The following SDCBP variants were observed in gnomAD, a reference collection of about 807,000 sequenced individuals.
The protein encoded by SDCBP is syntenin-1.
SDCBP carries 22 observed loss-of-function variants against 30.5 expected under a neutral mutation model. The ratio of observed to expected loss-of-function variants is 0.72; its 90% CI spans 0.52 to 1.03. The LOEUF (loss-of-function observed/expected upper bound fraction) is 1.03, where lower values mean the gene tolerates loss of function less well. Among genes scored for constraint, SDCBP ranks in the 50% least tolerant of loss-of-function variants. The pLI, the probability that SDCBP is intolerant of heterozygous loss-of-function variation, is 0.00. For synonymous variants in SDCBP, 103 were observed against 118.7 expected (o/e 0.87, Z 0.86); for missense variants, 304 against 369.9 (o/e 0.82, Z 1.46).
intron 5 of SDCBP, 103 bp downstream of exon 5, chr8:58,576,164 C>A: frequency 2.4e-6 from 2 of 834,376 alleles, no homozygotes; most frequent in Non-Finnish European, 3.7e-6. Context: ...TATAATAGTG[C>A]ATCTGTAGTT....
chr8:58,560,348 CAG>C (rs1804368960), intron 1 of SDCBP: 1 of 152,300 alleles, frequency 6.6e-6, no homozygotes, highest in Non-Finnish European at 1.5e-5. Flanking sequence ...GTAGGGCAGA[CAG>C]AGGATGATAC....
intron 1 of SDCBP, among the ~76,000 whole-genome samples, chr8:58,556,977 CATA>C (rs1366381343): frequency 1.7e-3 from 235 of 135,544 alleles, no homozygotes; most frequent in African/African-American, 6.1e-3. Flanking sequence ...TTATATATAA[CATA>C]ATATATATTG....
At chr8:58,580,049 G>A (rs145221037) in intron 7 of SDCBP, 309 of 349,234 alleles carry the variant, frequency 8.8e-4, no homozygotes, top group African/African-American at 6.0e-3. Context: ...GGGCAACAAA[G>A]ATTTAGAATA....
chr8:58,557,739 C>A (rs1326174828), intron 1 of SDCBP, among the ~76,000 whole-genome samples: 2 of 151,866 alleles, frequency 1.3e-5, no homozygotes, highest in Non-Finnish European at 2.9e-5. Flanking sequence ...AGGAATTAGG[C>A]CAGTGGAAAA....
At chr8:58,567,123 C>T (rs1298669527) in intron 2 of SDCBP, among the ~76,000 whole-genome samples, 1 of 123,282 alleles carries the variant, frequency 8.1e-6, no homozygotes, top group East Asian at 2.9e-4. Context: ...CTTGGGGCAC[C>T]CCAACCCCTT....
intron 4 of SDCBP, among the ~76,000 whole-genome samples, chr8:58,574,995 C>T (rs2129608171): frequency 6.6e-6 from 1 of 152,258 alleles, no homozygotes; most frequent in Admixed American, 6.5e-5. Flanking sequence ...AAAGTTTGTA[C>T]ACTTTGACCA....
chr8:58,558,688 A>AGAGTTGAGAG, intron 1 of SDCBP, among the ~76,000 whole-genome samples: 1 of 152,234 alleles, frequency 6.6e-6, no homozygotes, highest in South Asian at 2.1e-4. Context: ...AATCTGAGGC[A>AGAGTTGAGAG]GAGTTGAGAG....
At chr8:58,554,058 A>G (rs998361955) in intron 1 of SDCBP, among the ~76,000 whole-genome samples, 2 of 152,160 alleles carry the variant, frequency 1.3e-5, no homozygotes, top group African/African-American at 2.4e-5. Context: ...TTTCACTTTT[A>G]CCAAAGTGGT....
In SDCBP at chr8:58,565,084, G is replaced by C. The variant is rs754427595; in HGVS notation, c.51G>C (p.Gln17His). The change falls in exon 2 of 9, where the codon CAG (glutamine) becomes CAC (histidine). Residue 17 changes from glutamine to histidine, a missense_variant and splice_region_variant. Coordinates refer to ENST00000260130, the MANE Select transcript of SDCBP (RefSeq NM_005625.4). ...LEDLKVDKVI[Q>H]AQTAFSANPA... ...ACTTGAAGGTAGACAAAGTAATTCA[G>C]GTATGATAGTTTAAATACTTTTGTC... is the stretch of plus-strand genomic sequence containing the variant. 1 of 1,533,780 alleles carries C rather than the reference G, an allele frequency of 6.5e-7. No individual in the cohort carries two copies. Among genetic ancestry groups the C allele is most frequent in the Non-Finnish European group, 8.9e-7 (1 of 1,118,546 alleles).
chr8:58,575,765 C>T (rs914339155), intron 4 of SDCBP, 135 bp from the exon 5 acceptor site: 1 of 696,070 alleles, frequency 1.4e-6, no homozygotes, highest in East Asian at 2.6e-5. Context: ...TCATAGACAT[C>T]AAACTTTATC....
intron 3 of SDCBP, 143 bp from the exon 4 acceptor site, chr8:58,572,062 G>A: frequency 1.7e-6 from 1 of 574,896 alleles, no homozygotes; most frequent in Non-Finnish European, 3.1e-6. Flanking sequence ...ATGGGGAGAT[G>A]CCTTTCCAAA....
intron 2 of SDCBP, 39 bp from the exon 3 acceptor site, chr8:58,570,848 T>A: frequency 7.5e-7 from 1 of 1,332,710 alleles, no homozygotes; most frequent in South Asian, 1.2e-5. Flanking sequence ...ATAAAGTAAG[T>A]ATAGCATATT....
intron 2 of SDCBP, among the ~76,000 whole-genome samples, chr8:58,568,697 A>G (rs1470872423): frequency 6.6e-6 from 1 of 152,212 alleles, no homozygotes; most frequent in South Asian, 2.1e-4. Flanking sequence ...GACAGTAGGA[A>G]TTTTTTAGCT....
chr8:58,561,442 C>G (rs933692073), intron 1 of SDCBP: 1 of 204,298 alleles, frequency 4.9e-6, no homozygotes, highest in Non-Finnish European at 9.8e-6. Flanking sequence ...ATCAAATTGT[C>G]AAAGAATTTT....
At position 58,580,621 on chromosome 8, in the gene SDCBP, TTCC is replaced by T; in HGVS notation, c.842+16_842+18del. 7.8e-7 allele frequency: 1 copy of T among 1,289,464 alleles called. No homozygotes were observed. The highest frequency in any genetic ancestry group is 1.1e-6 in the Non-Finnish European group (1 of 885,020). 79.9% of individuals were successfully genotyped at this position (1,289,464 alleles called of 1,614,324 possible). A position where few individuals can be genotyped will look rare whatever the true frequency, so the allele number is the denominator to read the frequency against. On this transcript the variant is annotated intron_variant, in intron 8 of 8. Transcript: ENST00000260130. ...ATATTATTAAGCGGTAAGTAAACAATTCCTCAACTTAATGCATATGGTCATGTG... is the reference window on the plus strand; with the variant it reads ...ATATTATTAAGCGGTAAGTAAACAATTCAACTTAATGCATATGGTCATGTG...
At chr8:58,567,186 A>G (rs1349883012) in intron 2 of SDCBP, among the ~76,000 whole-genome samples, 1 of 152,198 alleles carries the variant, frequency 6.6e-6, no homozygotes, top group Non-Finnish European at 1.5e-5. Context: ...GCTACATTTA[A>G]TGGTTTACAG....
At chr8:58,572,136 C>A in intron 3 of SDCBP, 69 bp from the exon 4 acceptor site, 1 of 879,212 alleles carries the variant, frequency 1.1e-6, no homozygotes, top group Admixed American at 2.0e-5. Flanking sequence ...ACGCAGAAGC[C>A]CATAATGAGA....
At chr8:58,572,109 AGT>A in intron 3 of SDCBP, 94 bp from the exon 4 acceptor site, 1 of 690,938 alleles carries the variant, frequency 1.4e-6, no homozygotes, top group Non-Finnish European at 2.5e-6. Context: ...TTATAACTTA[AGT>A]GTAATTTTGT....
intron 4 of SDCBP, among the ~76,000 whole-genome samples, chr8:58,574,972 TATG>T (rs1483606753): frequency 2.6e-5 from 4 of 152,306 alleles, no homozygotes; most frequent in Admixed American, 2.6e-4. Flanking sequence ...AACGTACTCA[TATG>T]ATAACTGAGA....
Sources: allele counts gnomAD v4.1 joint callset (sites outside exome capture counted in the v4.1 genomes callset), GRCh38; gene constraint gnomAD v4.1.1; transcripts MANE v1.5; gene names NCBI Gene and HGNC (gene_info 2026-07-23, HGNC 2026-07-21).